The following ANXA3 variants were observed in gnomAD, a reference collection of about 807,000 sequenced individuals.
ANXA3 encodes 35-alpha calcimedin.
ANXA3 carries 46 observed loss-of-function variants against 48.8 expected under a neutral mutation model. The observed-to-expected ratio is 0.94, with a 90% confidence interval of 0.74 to 1.21. The LOEUF (loss-of-function observed/expected upper bound fraction) is 1.21. ANXA3 is among the 50% of genes most tolerant of loss of function. The probability of loss-of-function intolerance (pLI) is 0.00; values close to 1 mark genes in which losing one functional copy is unlikely to be tolerated. For synonymous variants in ANXA3, 128 were observed against 134.7 expected (o/e 0.95, Z 0.35); for missense variants, 383 against 378.6 (o/e 1.01, Z -0.10).
chr4:78,556,030 G>A (rs1045250642), intron 2 of ANXA3, among the ~76,000 whole-genome samples: 3 of 151,986 alleles, frequency 2.0e-5, no homozygotes, highest in African/African-American at 7.3e-5. Context: ...CTTTTGGATA[G>A]TATTTTGGCA....
At chr4:78,598,667 G>A (rs953804583) in intron 10 of ANXA3, among the ~76,000 whole-genome samples, 1 of 152,046 alleles carries the variant, frequency 6.6e-6, no homozygotes, top group Non-Finnish European at 1.5e-5. Context: ...AGCCTCCTAA[G>A]TAGCTGGGAT....
chr4:78,555,283 C>A (rs1722487237), intron 2 of ANXA3, among the ~76,000 whole-genome samples: 1 of 152,266 alleles, frequency 6.6e-6, no homozygotes, highest in South Asian at 2.1e-4. Context: ...ACAACTGTGA[C>A]ACAAAACCAA....
intron 12 of ANXA3, among the ~76,000 whole-genome samples, chr4:78,607,061 C>T (rs1205999827): frequency 6.6e-6 from 1 of 152,226 alleles, no homozygotes; most frequent in African/African-American, 2.4e-5. Flanking sequence ...TTTCAGTTCA[C>T]CCTCAGCAAA....
intron 2 of ANXA3, 173 bp from the exon 3 acceptor site, chr4:78,573,007 C>A (rs1189110255): frequency 2.8e-6 from 2 of 726,944 alleles, no homozygotes; most frequent in Admixed American, 1.8e-5. Flanking sequence ...TGTCAGATTT[C>A]TCTTACTGTC....
rs1014294342 is a variant in ANXA3, at chr4:78,592,002, T to C, written c.483+379T>C. 2.6e-5 allele frequency among the ~76,000 whole-genome samples: 4 copies of C among 152,222 alleles called. No individual in the cohort carries two copies. In the East Asian group the frequency reaches 7.7e-4, roughly 29 times the overall value. On this transcript the variant is annotated intron_variant, in intron 7 of 12. Coordinates refer to ENST00000264908, the MANE Select transcript of ANXA3 (RefSeq NM_005139.3). The stretch of plus-strand genomic sequence containing the variant: ...GGACTCTGAAGAATAAATATTTCTT[T>C]TGTTAGCTTCTAAATTAAATAGGAA...
intron 2 of ANXA3, 79 bp downstream of exon 2, chr4:78,554,567 A>G (rs1319631477): frequency 8.3e-6 from 11 of 1,325,412 alleles, no homozygotes; most frequent in African/African-American, 1.4e-5. Context: ...ATAGCAAGGA[A>G]AATTTTAGGA....
intron 9 of ANXA3, among the ~76,000 whole-genome samples, chr4:78,596,525 C>A (rs1274960836): frequency 6.6e-6 from 1 of 152,214 alleles, no homozygotes; most frequent in Non-Finnish European, 1.5e-5. Flanking sequence ...AACCACACAG[C>A]AAGACCAAGC....
Position 78,554,429 on chromosome 4 carries a change from T to A in ANXA3, c.-38-7T>A. Reference sequence around the variant, plus strand: ...GATACCATTTACTAATTGTTTTCTTTTAATAGATTAGTGTGATCTCAGCTC... The same window carrying A: ...GATACCATTTACTAATTGTTTTCTTATAATAGATTAGTGTGATCTCAGCTC... On this transcript the variant is annotated splice_region_variant and splice_polypyrimidine_tract_variant and intron_variant, in intron 1 of 12. Coordinates refer to ENST00000264908, the MANE Select transcript of ANXA3 (RefSeq NM_005139.3). 6.3e-7 allele frequency: 1 copy of A among 1,583,340 alleles called. No individual in the cohort carries two copies.
intron 7 of ANXA3, among the ~76,000 whole-genome samples, chr4:78,594,105 G>A (rs1414996703): frequency 6.6e-6 from 1 of 152,002 alleles, no homozygotes; most frequent in East Asian, 1.9e-4. Context: ...TGTCTCTATA[G>A]TTTTGCCATC....
intron 1 of ANXA3, among the ~76,000 whole-genome samples, chr4:78,553,188 T>G (rs564745023): frequency 1.9e-3 from 289 of 152,336 alleles, no homozygotes; most frequent in Non-Finnish European, 3.6e-3. Flanking sequence ...GCTGCCTAGA[T>G]GCAGTAGGGG....
chr4:78,570,197 T>C (rs1199335185), intron 2 of ANXA3, among the ~76,000 whole-genome samples: 1 of 152,218 alleles, frequency 6.6e-6, no homozygotes, highest in Non-Finnish European at 1.5e-5. Flanking sequence ...TCTTCCCCCC[T>C]TGTAATTAAA....
chr4:78,575,928 A>G (rs1273274437), intron 3 of ANXA3, among the ~76,000 whole-genome samples: 1 of 152,026 alleles, frequency 6.6e-6, no homozygotes, highest in African/African-American at 2.4e-5. Flanking sequence ...ATTTTATTCT[A>G]TTTCATGTGG....
intron 12 of ANXA3, among the ~76,000 whole-genome samples, chr4:78,607,102 G>A (rs1479954269): frequency 2.6e-5 from 4 of 152,214 alleles, no homozygotes; most frequent in African/African-American, 7.2e-5. Context: ...GTGGCTCTCC[G>A]TTCCCCAGTG....
At chr4:78,566,310 TG>T (rs1391015705) in intron 2 of ANXA3, among the ~76,000 whole-genome samples, 2 of 152,154 alleles carry the variant, frequency 1.3e-5, no homozygotes, top group Non-Finnish European at 2.9e-5. Context: ...CCAGTCCTCT[TG>T]CTCTGACACT....
chr4:78,583,996 C>A (rs1412253360), intron 5 of ANXA3, among the ~76,000 whole-genome samples: 1 of 152,208 alleles, frequency 6.6e-6, no homozygotes, highest in African/African-American at 2.4e-5. Flanking sequence ...CTCCTGCTCA[C>A]CCATTAATGA....
At position 78,610,200 on chromosome 4, in the gene ANXA3, G is replaced by A; in HGVS notation, c.*85G>A. The stretch of plus-strand genomic sequence containing the variant: ...CTTCTCATACTATTTAAGAGAACAA[G>A]CAAATATAAACAGCAACTTGTGTTC... On this transcript the variant is annotated 3_prime_UTR_variant, in exon 13 of 13. Transcript: ENST00000264908. The A allele has an allele frequency of 3.2e-6, 3 of 947,620 alleles. No homozygotes were observed. The highest frequency in any genetic ancestry group is 4.8e-6 in the Non-Finnish European group (3 of 623,238). 58.7% of individuals were successfully genotyped at this position (947,620 alleles called of 1,614,324 possible).
At chr4:78,563,776 C>T (rs1722673642) in intron 2 of ANXA3, among the ~76,000 whole-genome samples, 1 of 152,206 alleles carries the variant, frequency 6.6e-6, no homozygotes, top group East Asian at 1.9e-4. Context: ...TTCTGCACTT[C>T]AGTGAGCCAA....
At chr4:78,553,073 G>T (rs1255394651) in intron 1 of ANXA3, among the ~76,000 whole-genome samples, 1 of 152,214 alleles carries the variant, frequency 6.6e-6, no homozygotes, top group African/African-American at 2.4e-5. Flanking sequence ...TAATTTTCCA[G>T]TTCTGCTGGA....
chr4:78,603,402 C>T (rs1310196432), intron 11 of ANXA3: 1 of 152,140 alleles, frequency 6.6e-6, no homozygotes, highest in Non-Finnish European at 1.5e-5. Flanking sequence ...TATCCTGTAG[C>T]GATACATCAT....
Sources: gnomAD v4.1 joint callset for allele counts (sites outside exome capture counted in the v4.1 genomes callset) on GRCh38, gnomAD v4.1.1 for gene constraint, MANE v1.5 for transcripts, NCBI Gene and HGNC (gene_info 2026-07-23, HGNC 2026-07-21) for gene names.